Variants in ITPK1 observed in about 807,000 individuals in gnomAD.
ITPK1 encodes inositol-tetrakisphosphate 1-kinase, also known as inositol 1,3,4-trisphosphate 5/6-kinase.
In ITPK1, 21 loss-of-function variants were observed where a neutral mutation model predicts 45.3. That is an observed-to-expected ratio of 0.46 (90% confidence interval 0.33 to 0.67). The LOEUF (loss-of-function observed/expected upper bound fraction) is 0.67. ITPK1 is among the 30% of genes least tolerant of loss of function. The pLI is 0.02. For missense variants in ITPK1, 474 were observed against 573.5 expected (o/e 0.83, Z 1.77); for synonymous variants, 258 against 253.6 (o/e 1.02, Z -0.16).
At chr14:93,105,867 C>G (rs1441995080) in intron 2 of ITPK1, among the ~76,000 whole-genome samples, 4 of 152,062 alleles carry the variant, frequency 2.6e-5, no homozygotes, top group Admixed American at 2.6e-4. Context: ...CCACACCCAG[C>G]TGATTTTTTG....
At chr14:93,111,306 T>A (rs887164183) in intron 2 of ITPK1, among the ~76,000 whole-genome samples, 8 of 152,104 alleles carry the variant, frequency 5.3e-5, no homozygotes, top group African/African-American at 1.9e-4. Flanking sequence ...CAGCCAGTAT[T>A]CCCCAGTGAG....
chr14:92,940,157 G>A lies in ITPK1; in HGVS notation c.*1404C>T, dbSNP rs907792911. On this transcript the variant is annotated 3_prime_UTR_variant, in exon 11 of 11. Transcript: ENST00000267615. ...AAGGACCTCCATGCACTGGCTCGGG[G>A]GCCTCTCTCGGGACACTCAGCACTT... is the stretch of plus-strand genomic sequence containing the variant. The A allele has an allele frequency of 9.1e-6, 9 of 985,704 alleles. No individual in the cohort carries two copies. Among genetic ancestry groups the A allele is most frequent in the Admixed American group, 6.1e-5 (1 of 16,298 alleles). The allele number at this position is 985,704 out of a possible 1,614,324, so 61.1% of individuals were successfully genotyped here.
At chr14:93,053,631 T>G (rs1464277585) in intron 3 of ITPK1, among the ~76,000 whole-genome samples, 1 of 152,206 alleles carries the variant, frequency 6.6e-6, no homozygotes, top group Admixed American at 6.5e-5. Flanking sequence ...CTATGCACAC[T>G]GGGGACTTCA....
At chr14:92,952,628 G>A (rs1271736723) in intron 8 of ITPK1, among the ~76,000 whole-genome samples, 8 of 152,194 alleles carry the variant, frequency 5.3e-5, no homozygotes, top group Admixed American at 2.6e-4. Flanking sequence ...ACGGAAGCTG[G>A]CACAGAGAGT....
intron 3 of ITPK1, chr14:93,069,070 A>C (rs1442132853): frequency 1.3e-5 from 2 of 152,748 alleles, no homozygotes. Context: ...CTACCCAGGT[A>C]CCACACCCTG....
Position 93,076,291 on chromosome 14 carries a change from C to G in ITPK1, c.120+304G>C, listed in dbSNP as rs1043417501. Among the ~76,000 whole-genome samples, 1 of 151,996 alleles carries G rather than the reference C, an allele frequency of 6.6e-6. No individual in the cohort carries two copies. The highest frequency in any genetic ancestry group is 1.5e-5 in the Non-Finnish European group (1 of 67,990). On this transcript the variant is annotated intron_variant, in intron 3 of 10. Coordinates refer to ENST00000267615, the MANE Select transcript of ITPK1 (RefSeq NM_014216.6). This position sits in a 1 kb window ranked among gnomAD's most constrained non-coding sequence, Gnocchi z 4.3. ...GGACATCTAGCTGGGTGCCTACTGC[C>G]CCCTCACCCTTCCCACACCCACCCT... is the stretch of plus-strand genomic sequence containing the variant.
At chr14:93,038,125 TC>T (rs1267733591) in intron 3 of ITPK1, among the ~76,000 whole-genome samples, 2 of 152,032 alleles carry the variant, frequency 1.3e-5, no homozygotes, top group Non-Finnish European at 2.9e-5. Flanking sequence ...CAGTCTCAGC[TC>T]ACTGCAACCT....
rs144734659 is a variant in ITPK1, at chr14:92,958,570, G to C, written c.505-204C>G. Reference sequence around the variant, plus strand: ...CCTGGGGATGCATCCCTTCTGCCACGGGGTTGGAGATCCTCCCTTCACCGG... The same window carrying C: ...CCTGGGGATGCATCCCTTCTGCCACCGGGTTGGAGATCCTCCCTTCACCGG... On this transcript the variant is annotated intron_variant, in intron 7 of 10. Coordinates refer to ENST00000267615, the MANE Select transcript of ITPK1 (RefSeq NM_014216.6). This position sits in a 1 kb window ranked among gnomAD's most constrained non-coding sequence, Gnocchi z 4.4. Among the ~76,000 whole-genome samples, 59 of 152,306 alleles carry C rather than the reference G, an allele frequency of 3.9e-4. No individual in the cohort carries two copies. The highest frequency in any genetic ancestry group is 3.1e-4 in the Non-Finnish European group (21 of 68,032).
At chr14:93,053,570 T>G (rs1890107177) in intron 3 of ITPK1, among the ~76,000 whole-genome samples, 2 of 152,184 alleles carry the variant, frequency 1.3e-5, no homozygotes, top group African/African-American at 4.8e-5. Flanking sequence ...TAGATGCAGG[T>G]CACTATGCAT....
chr14:93,042,386 G>A (rs574163270), intron 3 of ITPK1, among the ~76,000 whole-genome samples: 1 of 152,280 alleles, frequency 6.6e-6, no homozygotes, highest in Admixed American at 6.5e-5. Context: ...CCTTGATGCT[G>A]GGGGTTTTGG....
chr14:93,090,537 A>G (rs1566780432), intron 2 of ITPK1, among the ~76,000 whole-genome samples: 1 of 152,204 alleles, frequency 6.6e-6, no homozygotes, highest in African/African-American at 2.4e-5. Context: ...GCTAGCCACC[A>G]TCCTGGAGAA....
chr14:92,940,282 G>A lies in ITPK1; in HGVS notation c.*1279C>T, dbSNP rs1032303155. 5 of 988,272 alleles carry A rather than the reference G, an allele frequency of 5.1e-6. No homozygotes were observed. The highest frequency in any genetic ancestry group is 1.7e-5 in the African/African-American group (1 of 57,370). 61.2% of individuals were successfully genotyped at this position (988,272 alleles called of 1,614,324 possible). A position where few individuals can be genotyped will look rare whatever the true frequency, so the allele number is the denominator to read the frequency against. Reference sequence around the variant, plus strand: ...TCTTAAGACACAAAAACATACTTGTGGGGGCTGATGCCTCTCACCCAGCAC... The same window carrying A: ...TCTTAAGACACAAAAACATACTTGTAGGGGCTGATGCCTCTCACCCAGCAC... On this transcript the variant is annotated 3_prime_UTR_variant, in exon 11 of 11. Transcript: ENST00000267615.
chr14:93,041,230 C>G (rs139378067), intron 3 of ITPK1, among the ~76,000 whole-genome samples: 1 of 152,190 alleles, frequency 6.6e-6, no homozygotes, highest in Non-Finnish European at 1.5e-5. Flanking sequence ...TTCCACTGCC[C>G]GGCCAGGATC....
intron 2 of ITPK1, among the ~76,000 whole-genome samples, chr14:93,103,687 T>C (rs1306975699): frequency 2.0e-5 from 3 of 152,050 alleles, no homozygotes; most frequent in African/African-American, 7.2e-5. Context: ...AAAAAGAAGA[T>C]GCCACGGCCC....
intron 5 of ITPK1, among the ~76,000 whole-genome samples, chr14:92,976,968 C>G (rs1885974939): frequency 6.6e-6 from 1 of 152,246 alleles, no homozygotes; most frequent in Non-Finnish European, 1.5e-5. Context: ...AGCTGTGCTT[C>G]CCAAACACTG....
chr14:93,103,641 A>T (rs1203586884), intron 2 of ITPK1, among the ~76,000 whole-genome samples: 1 of 152,158 alleles, frequency 6.6e-6, no homozygotes, highest in African/African-American at 2.4e-5. Context: ...AGTATGTGGC[A>T]TGTAAGTGCA....
chr14:92,971,545 G>A (rs1337325130), intron 5 of ITPK1, among the ~76,000 whole-genome samples: 1 of 152,228 alleles, frequency 6.6e-6, no homozygotes, highest in East Asian at 1.9e-4. Flanking sequence ...CATACGCAAG[G>A]TCTGCTGGGG....
intron 5 of ITPK1, among the ~76,000 whole-genome samples, chr14:92,978,674 G>A (rs948603213): frequency 9.9e-5 from 15 of 152,144 alleles, no homozygotes; most frequent in African/African-American, 2.9e-4. Context: ...TACAGCTTCA[G>A]AGGGTGCAAT....
chr14:92,979,237 T>C (rs1417187449), intron 5 of ITPK1, among the ~76,000 whole-genome samples: 2 of 152,250 alleles, frequency 1.3e-5, no homozygotes, highest in African/African-American at 4.8e-5. Context: ...TTGGGTCTGT[T>C]TAACCAATGA....
Sources: allele counts gnomAD v4.1 joint callset (sites outside exome capture counted in the v4.1 genomes callset), GRCh38; gene constraint gnomAD v4.1.1; non-coding constraint Gnocchi (gnomAD v3.1); transcripts MANE v1.5; gene names NCBI Gene and HGNC (gene_info 2026-07-23, HGNC 2026-07-21).